TEKT5: variants seen among roughly 807,000 people sequenced by gnomAD.
TEKT5 encodes tektin 5, also known as tektin-5.
In TEKT5, 52 loss-of-function variants were observed where a neutral mutation model predicts 48.7. The ratio of observed to expected loss-of-function variants is 1.07; its 90% CI spans 0.86 to 1.35. The LOEUF is 1.35. Among genes scored for constraint, TEKT5 ranks in the 40% most tolerant of loss-of-function variants. The probability of loss-of-function intolerance (pLI) is 0.00; values close to 1 mark genes in which losing one functional copy is unlikely to be tolerated. For missense variants in TEKT5, 831 were observed against 641.6 expected (o/e 1.30, Z -3.19); for synonymous variants, 318 against 267.6 (o/e 1.19, Z -1.84).
chr16:10,644,219 T>G (rs1898036815), intron 5 of TEKT5, among the ~76,000 whole-genome samples: 1 of 152,176 alleles, frequency 6.6e-6, no homozygotes, highest in South Asian at 2.1e-4. Flanking sequence ...TTACGTCATT[T>G]GATACCCACA....
chr16:10,650,841 T>C (rs1186922913), intron 5 of TEKT5, among the ~76,000 whole-genome samples: 1 of 149,336 alleles, frequency 6.7e-6, no homozygotes. Flanking sequence ...GCAGAGATTG[T>C]GGCATTGCAT....
chr16:10,639,074 G>A (rs550253096), intron 5 of TEKT5, among the ~76,000 whole-genome samples: 3,347 of 152,172 alleles, frequency 0.022, 127 homozygotes, highest in African/African-American at 0.077. Context: ...GGAGGCCAAA[G>A]TGGTGGAATC....
chr16:10,672,471 C>A (rs112252263), intron 5 of TEKT5, among the ~76,000 whole-genome samples: 69 of 152,224 alleles, frequency 4.5e-4, no homozygotes, highest in African/African-American at 1.6e-3. Flanking sequence ...CGGGGGGTGT[C>A]TGTAATCCCA....
At chr16:10,654,552 C>T (rs1430980687) in intron 5 of TEKT5, among the ~76,000 whole-genome samples, 2 of 152,144 alleles carry the variant, frequency 1.3e-5, no homozygotes, top group African/African-American at 4.8e-5. Context: ...ACTGAGGGTC[C>T]GAACAGAACA....
At chr16:10,660,021 A>G (rs1424535923) in intron 5 of TEKT5, among the ~76,000 whole-genome samples, 1 of 152,216 alleles carries the variant, frequency 6.6e-6, no homozygotes, top group East Asian at 1.9e-4. Flanking sequence ...TTACTATTTT[A>G]ATTTACAAGG....
In TEKT5 at chr16:10,677,605, T is replaced by TC. The variant is rs1337039841; in HGVS notation, c.864-1425dup. 1.2e-4 allele frequency among the ~76,000 whole-genome samples: 17 copies of TC among 144,762 alleles called. 2 individuals are homozygous for TC. Among genetic ancestry groups the TC allele is most frequent in the Middle Eastern group, 3.4e-3 (1 of 292 alleles). The allele number at this position is 144,762 out of a possible 152,430, so 95.0% of individuals were successfully genotyped here. ...GCCTGGGCAACAGAGTAAGACCCTG[T>TC]CCCCCCCAACAAAAAAATAAAAAGA... On this transcript the variant is annotated intron_variant, in intron 4 of 6. Coordinates refer to ENST00000283025, the MANE Select transcript of TEKT5 (RefSeq NM_144674.2).
rs1252464464 is a variant in TEKT5 at position 10,633,025 on chromosome 16, T to G, written c.1241+2739A>C. On this transcript the variant is annotated intron_variant, in intron 6 of 6. Transcript: ENST00000283025. ...AGGCAGAGAGCTTGCCCCAAAGCAGTAGGTCCTCCAGGCAACTCCCCCAGA... is the reference window on the plus strand; with the variant it reads ...AGGCAGAGAGCTTGCCCCAAAGCAGGAGGTCCTCCAGGCAACTCCCCCAGA... Among the ~76,000 whole-genome samples, 3 of 152,100 alleles carry G rather than the reference T, an allele frequency of 2.0e-5. No homozygotes were observed. The East Asian group carries it at 5.8e-4, about 29-fold the overall frequency.
At chr16:10,680,831 G>A (rs1242470603) in intron 4 of TEKT5, among the ~76,000 whole-genome samples, 1 of 131,906 alleles carries the variant, frequency 7.6e-6, no homozygotes, top group Non-Finnish European at 1.6e-5. Context: ...GACACAGGAA[G>A]GGGAACATCA....
rs560148417 is a variant in TEKT5, at chr16:10,694,363, T to A, written c.511A>T (p.Thr171Ser). Residue 171 changes from threonine to serine, a missense_variant, in exon 1 of 7, where the codon ACG (threonine) becomes TCG (serine). Thr to Ser is a moderately conservative substitution (Grantham distance 58, BLOSUM62 1). Transcript: ENST00000283025. Reference protein sequence around the residue: ...RLLTENQNLETVKRRLECAAN... With the variant: ...RLLTENQNLESVKRRLECAAN... ...GCGCACTCCAGCCGCCTCTTGACCG[T>A]CTCCAAGTTCTGGTTCTCAGTCAGA... 12 of 1,613,450 alleles carry A rather than the reference T, an allele frequency of 7.4e-6. No homozygotes were observed. The Admixed American group carries it at 2.0e-4, about 27-fold the overall frequency.
At chr16:10,631,964 G>A (rs567901464) in intron 6 of TEKT5, among the ~76,000 whole-genome samples, 1 of 152,244 alleles carries the variant, frequency 6.6e-6, no homozygotes. Context: ...GCGGCAAGGT[G>A]AGCTGTGATG....
chr16:10,635,211 G>A (rs1421244033), intron 6 of TEKT5, among the ~76,000 whole-genome samples: 1 of 136,164 alleles, frequency 7.3e-6, no homozygotes, highest in Non-Finnish European at 1.5e-5. Flanking sequence ...TTCTGGGCTG[G>A]CATGAGCTTT....
chr16:10,651,342 C>T (rs900045879), intron 5 of TEKT5, among the ~76,000 whole-genome samples: 1 of 152,166 alleles, frequency 6.6e-6, no homozygotes, highest in Non-Finnish European at 1.5e-5. Flanking sequence ...TTCATTTTCT[C>T]TCTAGCCCTT....
chr16:10,670,179 CT>C (rs945105113), intron 5 of TEKT5, among the ~76,000 whole-genome samples: 2 of 152,190 alleles, frequency 1.3e-5, no homozygotes, highest in Non-Finnish European at 2.9e-5. Flanking sequence ...CCAGAAATGC[CT>C]TTTGCCAAGG....
At chr16:10,678,489 T>C (rs2142304409) in intron 4 of TEKT5, among the ~76,000 whole-genome samples, 1 of 152,306 alleles carries the variant, frequency 6.6e-6, no homozygotes, top group Admixed American at 6.5e-5. Context: ...GCTTGGCTTT[T>C]GCAGGAGTTA....
At chr16:10,679,948 A>G (rs1376838320) in intron 4 of TEKT5, among the ~76,000 whole-genome samples, 1 of 145,028 alleles carries the variant, frequency 6.9e-6, no homozygotes, top group Non-Finnish European at 1.5e-5. Context: ...CAAAGCCCCA[A>G]GCTAGCACAT....
intron 5 of TEKT5, among the ~76,000 whole-genome samples, chr16:10,654,679 C>A (rs903513275): frequency 6.6e-6 from 1 of 152,124 alleles, no homozygotes; most frequent in African/African-American, 2.4e-5. Flanking sequence ...ACAGCCTCAG[C>A]CCCTGACTCT....
chr16:10,661,298 G>C (rs1484465439), intron 5 of TEKT5, among the ~76,000 whole-genome samples: 1 of 152,112 alleles, frequency 6.6e-6, no homozygotes, highest in Admixed American at 6.6e-5. Flanking sequence ...CTGCTCCTCT[G>C]GGGTTTCTGT....
At chr16:10,670,844 G>A (rs1898537395) in intron 5 of TEKT5, among the ~76,000 whole-genome samples, 2 of 151,764 alleles carry the variant, frequency 1.3e-5, no homozygotes. Flanking sequence ...AACTTCCCTG[G>A]AGGAATTTTT....
At chr16:10,652,481 CA>C (rs1898175545) in intron 5 of TEKT5, among the ~76,000 whole-genome samples, 1 of 143,758 alleles carries the variant, frequency 7.0e-6, no homozygotes, top group East Asian at 2.1e-4. Flanking sequence ...CACACACACA[CA>C]CACACACACA....
Sources: gnomAD v4.1 joint callset for allele counts (sites outside exome capture counted in the v4.1 genomes callset) on GRCh38, gnomAD v4.1.1 for gene constraint, MANE v1.5 for transcripts, NCBI Gene and HGNC (gene_info 2026-07-23, HGNC 2026-07-21) for gene names.